Variants in ARHGAP28 observed in about 807,000 individuals in gnomAD.
ARHGAP28 encodes the protein rho GTPase-activating protein 28.
ARHGAP28 carries 56 observed loss-of-function variants against 90.7 expected under a neutral mutation model. The observed-to-expected ratio is 0.62, with a 90% CI of 0.50 to 0.77. The LOEUF (loss-of-function observed/expected upper bound fraction) is 0.77, where lower values mean the gene tolerates loss of function less well. ARHGAP28 is among the 30% of genes least tolerant of loss of function. The pLI is 0.00. For missense variants in ARHGAP28, 869 were observed against 900.9 expected (o/e 0.96, Z 0.45); for synonymous variants, 308 against 323.3 (o/e 0.95, Z 0.51).
intron 7 of ARHGAP28, 53 bp downstream of exon 7, chr18:6,870,785 C>A: frequency 2.0e-6 from 3 of 1,489,496 alleles, no homozygotes; most frequent in Non-Finnish European, 2.7e-6. Flanking sequence ...CTTCATAGGA[C>A]AAAACTAAGA....
intron 1 of ARHGAP28, among the ~76,000 whole-genome samples, chr18:6,821,056 G>A (rs1027674763): frequency 6.6e-6 from 1 of 152,128 alleles, no homozygotes; most frequent in Non-Finnish European, 1.5e-5. Context: ...AATAACTATT[G>A]GGGGATGTAA....
intron 2 of ARHGAP28, among the ~76,000 whole-genome samples, chr18:6,836,727 T>G (rs1197629694): frequency 6.6e-6 from 1 of 152,194 alleles, no homozygotes; most frequent in Non-Finnish European, 1.5e-5. Context: ...AGAGGTTCAC[T>G]ATACTTATTT....
intron 1 of ARHGAP28, among the ~76,000 whole-genome samples, chr18:6,807,120 ACTC>A (rs146284094): frequency 0.011 from 1,703 of 150,978 alleles, 20 homozygotes; most frequent in African/African-American, 0.037. Flanking sequence ...AGTTTATTGA[ACTC>A]CTTGAATCTG....
intron 1 of ARHGAP28, among the ~76,000 whole-genome samples, chr18:6,805,038 TG>T (rs1351166162): frequency 2.0e-5 from 3 of 152,224 alleles, no homozygotes; most frequent in African/African-American, 4.8e-5. Flanking sequence ...TTGCCCAGGC[TG>T]GCCTTGAACC....
rs561074678 is a variant in ARHGAP28, at chr18:6,805,262, C to T, written c.123-19500C>T. 3.3e-5 allele frequency among the ~76,000 whole-genome samples: 5 copies of T among 152,162 alleles called. No individual in the cohort carries two copies. In the East Asian group the frequency reaches 7.7e-4, roughly 23 times the overall value. On this transcript the variant is annotated intron_variant, in intron 1 of 17. Coordinates refer to ENST00000383472, the MANE Select transcript of ARHGAP28 (RefSeq NM_001366230.1). ...ATGTAAAGTTTGAAGATTGTTATTT[C>T]GTCTTCATTGATCTTACTGATTATT...
Position 6,884,458 on chromosome 18 carries a change from C to T in ARHGAP28, c.1453+2159C>T, listed in dbSNP as rs113603879. On this transcript the variant is annotated intron_variant, in intron 11 of 17. Transcript: ENST00000383472. ...CTCTGTCTTCTTTGAGAATGGGTTA[C>T]ACTTTCCTTGTTACTTTGTATGTCA... 5.1e-3 allele frequency among the ~76,000 whole-genome samples: 770 copies of T among 152,334 alleles called. 10 individuals are homozygous for T. Among genetic ancestry groups the T allele is most frequent in the African/African-American group, 0.017 (714 of 41,582 alleles).
At chr18:6,747,449 A>G (rs1018470495) in intron 1 of ARHGAP28, among the ~76,000 whole-genome samples, 1 of 152,142 alleles carries the variant, frequency 6.6e-6, no homozygotes, top group Admixed American at 6.5e-5. Context: ...GTGGGATGGG[A>G]TTGGCTCAAC....
intron 4 of ARHGAP28, among the ~76,000 whole-genome samples, chr18:6,853,510 T>C (rs2056926950): frequency 6.6e-6 from 1 of 151,950 alleles, no homozygotes; most frequent in Admixed American, 6.6e-5. Context: ...TTCACTCTTG[T>C]TGTCCAAGCT....
At chr18:6,842,374 G>C (rs1239874924) in intron 3 of ARHGAP28, among the ~76,000 whole-genome samples, 7 of 151,688 alleles carry the variant, frequency 4.6e-5, no homozygotes, top group Admixed American at 3.9e-4. Context: ...GTCTCAAAAA[G>C]AAAAAAAATT....
intron 16 of ARHGAP28, chr18:6,897,698 A>G (rs1436674793): frequency 6.6e-6 from 1 of 152,234 alleles, no homozygotes. Flanking sequence ...TTCCACTTAT[A>G]TAACATTTTT....
At chr18:6,766,731 C>G (rs2056202706) in intron 1 of ARHGAP28, among the ~76,000 whole-genome samples, 1 of 152,126 alleles carries the variant, frequency 6.6e-6, no homozygotes. Flanking sequence ...CTTTTCTATA[C>G]CCAGTGTGGC....
Position 6,912,432 on chromosome 18 carries a change from C to A in ARHGAP28, c.*278C>A. On this transcript the variant is annotated 3_prime_UTR_variant, in exon 18 of 18. Transcript: ENST00000383472. ...AATCTAGAATATGGAACTCTAATCA[C>A]TTCTAGTATTTCAACTTCCTAGCAG... 4.7e-6 allele frequency: 1 copy of A among 212,780 alleles called. No homozygotes were observed. Among genetic ancestry groups the A allele is most frequent in the Non-Finnish European group, 9.4e-6 (1 of 106,886 alleles). 13.2% of individuals were successfully genotyped at this position (212,780 alleles called of 1,614,324 possible).
At position 6,827,885 on chromosome 18, in the gene ARHGAP28, C is replaced by T. The variant is rs111411322; in HGVS notation, c.325+2921C>T. 2.1e-3 allele frequency among the ~76,000 whole-genome samples: 316 copies of T among 150,444 alleles called. 1 individual carries two copies. Among genetic ancestry groups the T allele is most frequent in the African/African-American group, 7.6e-3 (310 of 40,912 alleles). On this transcript the variant is annotated intron_variant, in intron 2 of 17. Coordinates refer to ENST00000383472, the MANE Select transcript of ARHGAP28 (RefSeq NM_001366230.1). ...CAGACGATGGGCGGCCGGGAAGAGG[C>T]GCTCCTCACTTCCTAGATGGGATGG... is the stretch of plus-strand genomic sequence containing the variant.
At chr18:6,774,542 G>A (rs2056268622) in intron 1 of ARHGAP28, among the ~76,000 whole-genome samples, 1 of 152,166 alleles carries the variant, frequency 6.6e-6, no homozygotes. Context: ...TTAATAGATG[G>A]TTAAAAATGA....
intron 1 of ARHGAP28, among the ~76,000 whole-genome samples, chr18:6,822,752 G>A (rs1197989346): frequency 6.6e-6 from 1 of 152,092 alleles, no homozygotes; most frequent in Non-Finnish European, 1.5e-5. Flanking sequence ...CAGATACTAC[G>A]AAAAGATCAA....
chr18:6,787,367 A>T (rs550773440), intron 1 of ARHGAP28, among the ~76,000 whole-genome samples: 11 of 151,358 alleles, frequency 7.3e-5, no homozygotes, highest in Non-Finnish European at 1.2e-4. Context: ...CTTTTCCTTT[A>T]TACTAATAAT....
chr18:6,817,456 G>A lies in ARHGAP28; in HGVS notation c.123-7306G>A, dbSNP rs534177305. Among the ~76,000 whole-genome samples the A allele has an allele frequency of 9.2e-5, 14 of 152,312 alleles. No homozygotes were observed. In the South Asian group the frequency reaches 2.9e-3, roughly 32 times the overall value. ...TTCCCCTTAGTGGGATACAGAGGGT[G>A]TCTCATCTCACTCTGCCCCAAATGA... On this transcript the variant is annotated intron_variant, in intron 1 of 17. Transcript: ENST00000383472.
chr18:6,841,197 CTCTCTCCTCT>C (rs2056819331), intron 3 of ARHGAP28, among the ~76,000 whole-genome samples: 1 of 65,616 alleles, frequency 1.5e-5, no homozygotes, highest in African/African-American at 7.9e-5. Flanking sequence ...CTCTCTCTCT[CTCTCTCCTCT>C]CCTCTCTCTC....
chr18:6,733,588 A>G (rs770827353), intron 1 of ARHGAP28, among the ~76,000 whole-genome samples: 1 of 152,194 alleles, frequency 6.6e-6, no homozygotes, highest in Non-Finnish European at 1.5e-5. Context: ...CAAGGACTCC[A>G]CAAAGTCTAT....
Sources: allele counts gnomAD v4.1 joint callset (sites outside exome capture counted in the v4.1 genomes callset), GRCh38; gene constraint gnomAD v4.1.1; transcripts MANE v1.5; gene names NCBI Gene and HGNC (gene_info 2026-07-23, HGNC 2026-07-21).